Variants in CCSER1 observed in about 807,000 individuals in gnomAD.
CCSER1 encodes the protein coiled-coil serine rich protein 1, also known as serine-rich coiled-coil domain-containing protein 1.
In CCSER1, 41 loss-of-function variants were observed where a neutral mutation model predicts 82.0. That is an observed-to-expected ratio of 0.50 (90% CI 0.39 to 0.65). The LOEUF (loss-of-function observed/expected upper bound fraction) is 0.65. CCSER1 is among the 30% of genes least tolerant of loss of function. CCSER1 has a pLI of 0.00. For synonymous variants in CCSER1, 414 were observed against 383.9 expected, an observed-to-expected ratio of 1.08 and a Z score of -0.92; for missense variants, 1,119 against 1,064.2, an observed-to-expected ratio of 1.05 and a Z score of -0.72.
intron 10 of CCSER1, among the ~76,000 whole-genome samples, chr4:91,159,366 C>T (rs185516110): frequency 3.3e-5 from 5 of 152,024 alleles, no homozygotes; most frequent in Non-Finnish European, 5.9e-5. Flanking sequence ...TCCATATTGA[C>T]ACTTGCCTTA....
intron 10 of CCSER1, among the ~76,000 whole-genome samples, chr4:91,470,454 T>A (rs935897097): frequency 1.1e-4 from 16 of 145,366 alleles, no homozygotes; most frequent in East Asian, 2.1e-4. Context: ...GTAAAAAAAA[T>A]AAAAATAAAT....
At chr4:90,833,812 C>G (rs147748941) in intron 8 of CCSER1, among the ~76,000 whole-genome samples, 1 of 152,290 alleles carries the variant, frequency 6.6e-6, no homozygotes, top group East Asian at 1.9e-4. Flanking sequence ...GAGGCCTACC[C>G]TCCTCCCAAC....
intron 7 of CCSER1, among the ~76,000 whole-genome samples, chr4:90,765,042 C>T (rs1015726706): frequency 6.6e-6 from 1 of 152,114 alleles, no homozygotes; most frequent in African/African-American, 2.4e-5. Context: ...GAAAAAAAAT[C>T]ATGACAACCT....
At chr4:91,070,805 G>A (rs574623846) in intron 9 of CCSER1, among the ~76,000 whole-genome samples, 48 of 152,190 alleles carry the variant, frequency 3.2e-4, no homozygotes, top group Admixed American at 1.4e-3. Context: ...GTTGGGAACC[G>A]CCGCTCTACA....
intron 9 of CCSER1, among the ~76,000 whole-genome samples, chr4:90,962,877 A>G (rs570624727): frequency 6.6e-6 from 1 of 152,278 alleles, no homozygotes; most frequent in Admixed American, 6.5e-5. Context: ...GAAAAATTCT[A>G]CTAGTCACTC....
chr4:90,918,011 TA>T (rs1002054601), intron 8 of CCSER1, among the ~76,000 whole-genome samples: 7 of 152,068 alleles, frequency 4.6e-5, no homozygotes, highest in African/African-American at 1.7e-4. Context: ...TCTTTTACAT[TA>T]AAAAAATCTT....
intron 10 of CCSER1, among the ~76,000 whole-genome samples, chr4:91,537,308 C>T (rs571416734): frequency 2.6e-5 from 4 of 152,110 alleles, no homozygotes; most frequent in East Asian, 1.9e-4. Context: ...AACCACCATA[C>T]GGTGTTGTAT....
chr4:91,407,280 A>C (rs1206464237), intron 10 of CCSER1, among the ~76,000 whole-genome samples: 1 of 152,226 alleles, frequency 6.6e-6, no homozygotes, highest in Non-Finnish European at 1.5e-5. Flanking sequence ...ATGTGAAAGC[A>C]AGTCTACAAA....
At chr4:91,395,303 C>T (rs1394271084) in intron 10 of CCSER1, among the ~76,000 whole-genome samples, 1 of 152,026 alleles carries the variant, frequency 6.6e-6, no homozygotes, top group Admixed American at 6.6e-5. Context: ...TGTAGTACAC[C>T]ATCACCCGTG....
chr4:90,486,193 A>G (rs994920728), intron 5 of CCSER1, among the ~76,000 whole-genome samples: 1 of 152,210 alleles, frequency 6.6e-6, no homozygotes, highest in Non-Finnish European at 1.5e-5. Context: ...ATCTAGGAAA[A>G]TTATAATCAA....
intron 5 of CCSER1, among the ~76,000 whole-genome samples, chr4:90,532,554 A>T: frequency 6.6e-6 from 1 of 152,150 alleles, no homozygotes; most frequent in African/African-American, 2.4e-5. Context: ...AATAGTAATT[A>T]TCTCAGGCTT....
intron 9 of CCSER1, among the ~76,000 whole-genome samples, chr4:91,071,350 A>G (rs1721413758): frequency 6.6e-6 from 1 of 152,202 alleles, no homozygotes; most frequent in Non-Finnish European, 1.5e-5. Flanking sequence ...GTAATATTAA[A>G]TAGAGTGGTA....
chr4:91,288,615 G>A (rs896014891), intron 10 of CCSER1, among the ~76,000 whole-genome samples: 1 of 151,910 alleles, frequency 6.6e-6, no homozygotes, highest in Non-Finnish European at 1.5e-5. Context: ...TTGAAGAAGG[G>A]AACAACAGCT....
chr4:90,247,983 C>T (rs959807743), intron 1 of CCSER1, among the ~76,000 whole-genome samples: 28 of 151,948 alleles, frequency 1.8e-4, no homozygotes, highest in Admixed American at 4.6e-4. Context: ...TCAAAAAATA[C>T]GACAGAGACA....
At chr4:90,735,629 A>C (rs1183834727) in intron 7 of CCSER1, among the ~76,000 whole-genome samples, 7 of 151,986 alleles carry the variant, frequency 4.6e-5, no homozygotes. Context: ...TGGTAACTTT[A>C]AATTTATGTA....
rs545336671 is a variant in CCSER1 at position 91,385,653 on chromosome 4, A to AT, written c.2218-212919_2218-212918insT. Among the ~76,000 whole-genome samples the AT allele has an allele frequency of 2.3e-3, 357 of 151,960 alleles. 1 individual carries two copies. Among genetic ancestry groups the AT allele is most frequent in the Non-Finnish European group, 3.9e-3 (263 of 67,900 alleles). ...GGGACATAGAAAAAGGAAAAAAAAA[A>AT]GCTTAATTTTTGTGACTTTGGATTT... is the stretch of plus-strand genomic sequence containing the variant. On this transcript the variant is annotated intron_variant, in intron 10 of 10. Transcript: ENST00000509176.
intron 10 of CCSER1, among the ~76,000 whole-genome samples, chr4:91,201,861 C>T (rs941848734): frequency 6.6e-6 from 1 of 151,760 alleles, no homozygotes; most frequent in African/African-American, 2.4e-5. Flanking sequence ...CATAATGACT[C>T]AAATATAAAA....
chr4:90,421,127 T>C (rs888904412), intron 4 of CCSER1, among the ~76,000 whole-genome samples: 1 of 152,176 alleles, frequency 6.6e-6, no homozygotes, highest in Non-Finnish European at 1.5e-5. Context: ...CTATCGTGCC[T>C]GAGGCAGAAA....
chr4:90,200,726 A>G (rs1407076305), intron 1 of CCSER1, among the ~76,000 whole-genome samples: 1 of 151,906 alleles, frequency 6.6e-6, no homozygotes, highest in Non-Finnish European at 1.5e-5. Context: ...CTAGTTTACT[A>G]TATACATAAT....
Sources: allele counts gnomAD v4.1 joint callset (sites outside exome capture counted in the v4.1 genomes callset), GRCh38; gene constraint gnomAD v4.1.1; transcripts MANE v1.5; gene names NCBI Gene and HGNC (gene_info 2026-07-23, HGNC 2026-07-21).